SREBF2: variants seen among roughly 807,000 people sequenced by gnomAD.
SREBF2 encodes sterol regulatory element binding transcription factor 2.
A neutral mutation model predicts 113.1 loss-of-function variants in SREBF2; 55 were observed. That is an observed-to-expected ratio of 0.49 (90% CI 0.39 to 0.61). SREBF2 has a LOEUF of 0.61. SREBF2 is among the 20% of genes least tolerant of loss of function. The pLI is 0.00. For missense variants in SREBF2, 1,349 were observed against 1,487.4 expected (o/e 0.91, Z 1.53); for synonymous variants, 593 against 605.7 (o/e 0.98, Z 0.31).
rs139986353 is a variant in SREBF2 at position 41,893,295 on chromosome 22, C to G, written c.2377+10C>G. 2.3e-4 allele frequency: 367 copies of G among 1,614,102 alleles called. 1 individual carries two copies. In the African/African-American group the frequency reaches 4.7e-3, roughly 21 times the overall value. On this transcript the variant is annotated intron_variant, in intron 12 of 18. Coordinates refer to ENST00000361204, the MANE Select transcript of SREBF2 (RefSeq NM_004599.4). ...GCCCAGAGGAACCCAGGTGAGAATA[C>G]CTTGGAGCCATTCAGAATTGGAGAA... is the stretch of plus-strand genomic sequence containing the variant.
At chr22:41,895,866 G>A (rs2077411613) in intron 13 of SREBF2, among the ~76,000 whole-genome samples, 1 of 150,614 alleles carries the variant, frequency 6.6e-6, no homozygotes, top group South Asian at 2.1e-4. Context: ...GGGGCTGGGT[G>A]CAGTGGCTCA....
At chr22:41,856,046 C>G (rs2076974215) in intron 1 of SREBF2, among the ~76,000 whole-genome samples, 1 of 152,152 alleles carries the variant, frequency 6.6e-6, no homozygotes, top group South Asian at 2.1e-4. Flanking sequence ...CCTTAGCCTC[C>G]TGAGTAACTG....
chr22:41,893,400 CCGTTTGTT>C, intron 12 of SREBF2, 115 bp downstream of exon 12: 6 of 1,187,184 alleles, frequency 5.1e-6, no homozygotes, highest in Non-Finnish European at 7.4e-6. Flanking sequence ...CTTGTTGAGT[CCGTTTGTT>C]TGTTTGTTTG....
In SREBF2 at chr22:41,905,748, C is replaced by A. The variant is rs1042348018; in HGVS notation, c.*88C>A. 2 of 1,407,162 alleles carry A rather than the reference C, an allele frequency of 1.4e-6. No individual in the cohort carries two copies. Among genetic ancestry groups the A allele is most frequent in the South Asian group, 2.5e-5 (2 of 80,636 alleles). 87.2% of individuals were successfully genotyped at this position (1,407,162 alleles called of 1,614,324 possible). A position where few individuals can be genotyped will look rare whatever the true frequency, so the allele number is the denominator to read the frequency against. ...TCCCGCTGAGAGTGGTGGGGAAGAG[C>A]CTTGTCTTCTTAGCTGTCACCTGCC... On this transcript the variant is annotated 3_prime_UTR_variant, in exon 19 of 19. Coordinates refer to ENST00000361204, the MANE Select transcript of SREBF2 (RefSeq NM_004599.4).
chr22:41,834,565 TGAA>T (rs1223261920), intron 1 of SREBF2: 2 of 152,788 alleles, frequency 1.3e-5, no homozygotes, highest in Middle Eastern at 3.4e-3. Flanking sequence ...GTTGTGCAGA[TGAA>T]GAAGCAGAAG....
chr22:41,893,191 C>T lies in SREBF2; in HGVS notation c.2283C>T (p.Leu761=), dbSNP rs2077380848. 2 of 1,614,216 alleles carry T rather than the reference C, an allele frequency of 1.2e-6. No individual in the cohort carries two copies. Among genetic ancestry groups the T allele is most frequent in the Non-Finnish European group, 1.7e-6 (2 of 1,180,046 alleles). Residue 761 remains leucine (L), a synonymous_variant, in exon 12 of 19, where the codon CTC becomes CTT. Coordinates refer to ENST00000361204, the MANE Select transcript of SREBF2 (RefSeq NM_004599.4). ...HSAVPDSLRW[L]CHPLGQKFFM... ...CTGTTCCTGACTCCCTGCGCTGGCT[C>T]TGCCACCCCCTGGGCCAGAAGTTTT...
At position 41,866,952 on chromosome 22, in the gene SREBF2, CAGCAGCAGCAGCAATGGCAGG is replaced by C; in HGVS notation, c.211_231del (p.Ser71_Arg77del). On this transcript the variant is annotated inframe_deletion, in exon 2 of 19. Coordinates refer to ENST00000361204, the MANE Select transcript of SREBF2 (RefSeq NM_004599.4). ...GCAGCAGCGGCAGCAGTGGCAGCAGCAGCAGCAGCAGCAATGGCAGGGGCAGCAGCAGCGGAGCTGTGGACC... is the reference window on the plus strand; with the variant it reads ...GCAGCAGCGGCAGCAGTGGCAGCAGCGGCAGCAGCAGCGGAGCTGTGGACC... The C allele has an allele frequency of 6.2e-7, 1 of 1,613,900 alleles. No homozygotes were observed. The highest frequency in any genetic ancestry group is 8.5e-7 in the Non-Finnish European group (1 of 1,179,852).
At chr22:41,894,095 C>T (rs372696731) in intron 12 of SREBF2, among the ~76,000 whole-genome samples, 1 of 152,188 alleles carries the variant, frequency 6.6e-6, no homozygotes, top group South Asian at 2.1e-4. Flanking sequence ...AATCTTTCTA[C>T]CCCACCCCTG....
intron 11 of SREBF2, among the ~76,000 whole-genome samples, chr22:41,892,835 G>A (rs928239902): frequency 6.6e-6 from 1 of 152,142 alleles, no homozygotes; most frequent in Non-Finnish European, 1.5e-5. Flanking sequence ...GCCCCAGCAG[G>A]ACAGGATGCA....
intron 14 of SREBF2, among the ~76,000 whole-genome samples, chr22:41,897,766 T>C (rs2077429327): frequency 6.6e-6 from 1 of 152,040 alleles, no homozygotes; most frequent in African/African-American, 2.4e-5. Flanking sequence ...GAGGGAGGGA[T>C]CCCAGAAAAT....
chr22:41,850,646 T>C (rs1047571689), intron 1 of SREBF2, among the ~76,000 whole-genome samples: 4 of 152,174 alleles, frequency 2.6e-5, no homozygotes, highest in African/African-American at 9.7e-5. Context: ...AACCTAAATA[T>C]AGATATAAAT....
rs532787990 is a variant in SREBF2, at chr22:41,886,539, C to T, written c.2208+1528C>T. On this transcript the variant is annotated intron_variant, in intron 11 of 18. Transcript: ENST00000361204. ...AGAAAAATGCCCACATTTTAACTTA[C>T]GGCTTGAAGTGAAGTTACCCATGCA... 1.6e-3 allele frequency among the ~76,000 whole-genome samples: 244 copies of T among 152,220 alleles called. 3 individuals are homozygous for T. Among genetic ancestry groups the T allele is most frequent in the Non-Finnish European group, 2.3e-3 (156 of 68,016 alleles).
Position 41,867,077 on chromosome 22 carries a change from T to C in SREBF2, c.335T>C (p.Leu112Pro), listed in dbSNP as rs956042805. The C allele has an allele frequency of 1.2e-6, 2 of 1,614,056 alleles. No homozygotes were observed. Among genetic ancestry groups the C allele is most frequent in the African/African-American group, 2.7e-5 (2 of 74,906 alleles). ...PSAASPQAPT[L>P]QVKVSPTSVP... is the part of the protein sequence containing the mutation. ...GCGGCCTCCCCACAGGCTCCAACTC[T>C]GCAAGTCAAGGTTTCTCCCACCTCA... Residue 112 changes from leucine (L) to proline (P), a missense_variant, in exon 2 of 19, where the codon CTG becomes CCG. Around this residue, in one of 2 missense-constraint regions of SREBF2, gnomAD observed 699 missense variants for 843.3 expected, o/e 0.83. Coordinates refer to ENST00000361204, the MANE Select transcript of SREBF2 (RefSeq NM_004599.4).
rs541913536 is a variant in SREBF2, at chr22:41,854,531, T to G, written c.89-12300T>G. On this transcript the variant is annotated intron_variant, in intron 1 of 18. Transcript: ENST00000361204. ...TACAGGGAAAGGAACATTTTCTCCA[T>G]GCACTCATAGAACACAAGACATAAG... 4.6e-5 allele frequency among the ~76,000 whole-genome samples: 7 copies of G among 152,178 alleles called. No homozygotes were observed. The South Asian group carries it at 1.2e-3, about 27-fold the overall frequency.
chr22:41,902,823 C>G, intron 16 of SREBF2, 147 bp from the exon 17 acceptor site: 3 of 878,064 alleles, frequency 3.4e-6, no homozygotes, highest in Non-Finnish European at 5.6e-6. Flanking sequence ...CCCTCACGTC[C>G]TGCGGAGTTC....
intron 18 of SREBF2, among the ~76,000 whole-genome samples, 162 bp from the exon 19 acceptor site, chr22:41,905,278 G>A (rs2077497575): frequency 6.6e-6 from 1 of 152,256 alleles, no homozygotes; most frequent in African/African-American, 2.4e-5. Context: ...CTGGCCGTGA[G>A]AGGCTGGACA....
At chr22:41,894,794 A>AC (rs781495471) in intron 12 of SREBF2, 26 bp from the exon 13 acceptor site, 3 of 1,601,424 alleles carry the variant, frequency 1.9e-6, no homozygotes, top group South Asian at 2.2e-5. Flanking sequence ...GCTCCATTTA[A>AC]CCCCCCTTGC....
Position 41,894,975 on chromosome 22 carries a change from G to A in SREBF2, c.2495+38G>A, listed in dbSNP as rs751625076. ...GACCAGTCCCCCTGCCTTAGGACCT[G>A]TCCACGCAGGCAACTCCAGGACAGC... On this transcript the variant is annotated intron_variant, in intron 13 of 18. Coordinates refer to ENST00000361204, the MANE Select transcript of SREBF2 (RefSeq NM_004599.4). 3.2e-6 allele frequency: 5 copies of A among 1,552,156 alleles called. No individual in the cohort carries two copies. The East Asian group carries it at 6.7e-5, about 21-fold the overall frequency.
In SREBF2 at chr22:41,833,623, C is replaced by A; in HGVS notation, c.88+265C>A. ...GGGTCGCGGGTTCCAGAGCGCGGGG[C>A]TAGGGACGTCGCGGGGGCGTCTCAG... On this transcript the variant is annotated intron_variant, in intron 1 of 18. Transcript: ENST00000361204. The surrounding 1 kb of genome is among the most constrained non-coding windows in gnomAD (Gnocchi z 4.1). 1 of 380,978 alleles carries A rather than the reference C, an allele frequency of 2.6e-6. No individual in the cohort carries two copies. Among genetic ancestry groups the A allele is most frequent in the Non-Finnish European group, 4.6e-6 (1 of 215,266 alleles). 23.6% of individuals were successfully genotyped at this position (380,978 alleles called of 1,614,324 possible). A position where few individuals can be genotyped will look rare whatever the true frequency, so the allele number is the denominator to read the frequency against.
Sources: allele counts gnomAD v4.1 joint callset (sites outside exome capture counted in the v4.1 genomes callset), GRCh38; gene constraint gnomAD v4.1.1; regional missense constraint gnomAD v4.1.1; non-coding constraint Gnocchi (gnomAD v3.1); transcripts MANE v1.5; gene names NCBI Gene and HGNC (gene_info 2026-07-23, HGNC 2026-07-21).